The following SPHKAP variants were observed in gnomAD, a reference collection of about 807,000 sequenced individuals.
The protein encoded by SPHKAP is A-kinase anchor protein SPHKAP.
In SPHKAP, 67 loss-of-function variants were observed where a neutral mutation model predicts 137.5. That is an observed-to-expected ratio of 0.49 (90% CI 0.40 to 0.60). The LOEUF (loss-of-function observed/expected upper bound fraction) is 0.60. Ranked by LOEUF, SPHKAP falls within the 20% of genes least tolerant of loss-of-function variation. The pLI is 0.00. For synonymous variants in SPHKAP, 813 were observed against 785.3 expected, an observed-to-expected ratio of 1.04 and a Z score of -0.59; for missense variants, 2,097 against 2,069.3, an observed-to-expected ratio of 1.01 and a Z score of -0.26.
chr2:228,015,470 A>G (rs1242907105), intron 7 of SPHKAP, among the ~76,000 whole-genome samples: 1 of 152,126 alleles, frequency 6.6e-6, no homozygotes, highest in Admixed American at 6.5e-5. Flanking sequence ...TGGTATTTCT[A>G]GTTCTAGATC....
At chr2:228,020,759 TC>T (rs1304620906) in intron 6 of SPHKAP, among the ~76,000 whole-genome samples, 1 of 152,068 alleles carries the variant, frequency 6.6e-6, no homozygotes, top group African/African-American at 2.4e-5. Flanking sequence ...TGACTTTTTT[TC>T]CCCCTTCAAG....
At chr2:227,999,172 G>A (rs971751904) in intron 7 of SPHKAP, among the ~76,000 whole-genome samples, 40 of 152,186 alleles carry the variant, frequency 2.6e-4, no homozygotes, top group African/African-American at 9.2e-4. Flanking sequence ...GGCTTTGGAT[G>A]CTTGATCCTG....
intron 2 of SPHKAP, among the ~76,000 whole-genome samples, chr2:228,112,201 T>A (rs765579132): frequency 4.6e-5 from 7 of 152,160 alleles, no homozygotes; most frequent in Non-Finnish European, 8.8e-5. Flanking sequence ...ATTAACTCTG[T>A]GTCATAAGAA....
At chr2:228,032,560 A>T (rs1373192940) in intron 3 of SPHKAP, among the ~76,000 whole-genome samples, 1 of 152,070 alleles carries the variant, frequency 6.6e-6, no homozygotes, top group Non-Finnish European at 1.5e-5. Context: ...GAGAAGAGCA[A>T]CTCCAAGATA....
chr2:228,138,439 G>A (rs1052078453), intron 1 of SPHKAP, among the ~76,000 whole-genome samples: 1 of 152,022 alleles, frequency 6.6e-6, no homozygotes, highest in African/African-American at 2.4e-5. Flanking sequence ...ACATTTTTCT[G>A]GTTTCATCTC....
At chr2:228,148,329 G>A (rs1045075319) in intron 1 of SPHKAP, among the ~76,000 whole-genome samples, 2 of 152,172 alleles carry the variant, frequency 1.3e-5, no homozygotes. Flanking sequence ...GAGGAAAGAG[G>A]AATGCTCTGC....
At chr2:228,164,021 C>G (rs1700351403) in intron 1 of SPHKAP, among the ~76,000 whole-genome samples, 1 of 152,002 alleles carries the variant, frequency 6.6e-6, no homozygotes. Context: ...AGAGGAAGAC[C>G]CACTCCCAGT....
intron 7 of SPHKAP, among the ~76,000 whole-genome samples, chr2:228,004,411 C>G (rs1375203652): frequency 6.6e-6 from 1 of 151,996 alleles, no homozygotes; most frequent in Non-Finnish European, 1.5e-5. Flanking sequence ...GGTGATATCC[C>G]CTTTATCATT....
In SPHKAP at chr2:228,147,313, A is replaced by C. The variant is rs911911036; in HGVS notation, c.33-15228T>G. Among the ~76,000 whole-genome samples the C allele has an allele frequency of 2.0e-5, 3 of 152,244 alleles. No homozygotes were observed. The South Asian group carries it at 6.2e-4, about 31-fold the overall frequency. On this transcript the variant is annotated intron_variant, in intron 1 of 11. Transcript: ENST00000392056. Reference sequence around the variant, plus strand: ...AGATACCAATGTTAGTGAATCTATCAGATAAGTAGAAATCATACATATAAA... The same window carrying C: ...AGATACCAATGTTAGTGAATCTATCCGATAAGTAGAAATCATACATATAAA...
At chr2:228,155,478 C>T (rs1248482974) in intron 1 of SPHKAP, among the ~76,000 whole-genome samples, 1 of 152,156 alleles carries the variant, frequency 6.6e-6, no homozygotes, top group Non-Finnish European at 1.5e-5. Context: ...GGTTTTATAA[C>T]TCCATATATT....
rs759321676 is a variant in SPHKAP, at chr2:228,016,762, A to C, written c.4092T>G (p.Val1364=). 2 of 1,614,044 alleles carry C rather than the reference A, an allele frequency of 1.2e-6. No homozygotes were observed. The highest frequency in any genetic ancestry group is 1.7e-6 in the Non-Finnish European group (2 of 1,179,996). ...SRMCSGPTLL[V]QESLDCPRKD... Reference sequence around the variant, plus strand: ...TCCTCGGGCAATCGAGAGACTCCTGAACAAGCAGAGTTGGCCCACTGCACA... The same window carrying C: ...TCCTCGGGCAATCGAGAGACTCCTGCACAAGCAGAGTTGGCCCACTGCACA... The change falls in exon 7 of 12, where the codon GTT becomes GTG. Residue 1364 remains valine, a synonymous_variant. Coordinates refer to ENST00000392056, the MANE Select transcript of SPHKAP (RefSeq NM_001142644.2).
In SPHKAP at chr2:228,085,104, C is replaced by T. The variant is rs115163150; in HGVS notation, c.246+23728G>A. Among the ~76,000 whole-genome samples, 9 of 152,250 alleles carry T rather than the reference C, an allele frequency of 5.9e-5. 1 individual carries two copies. The highest frequency in any genetic ancestry group is 2.2e-4 in the African/African-American group (9 of 41,546). ...ATAAAGGCAGAAAAATCATGCTGTT[C>T]TCATTAATTAAGCAAAATATCACTT... On this transcript the variant is annotated intron_variant, in intron 3 of 11. Transcript: ENST00000392056.
At chr2:228,104,317 TATA>T (rs1354527692) in intron 3 of SPHKAP, among the ~76,000 whole-genome samples, 5 of 145,758 alleles carry the variant, frequency 3.4e-5, no homozygotes, top group East Asian at 3.9e-4. Context: ...ATATTAATAA[TATA>T]ATATTAAATA....
intron 3 of SPHKAP, among the ~76,000 whole-genome samples, chr2:228,079,646 C>T (rs1346863714): frequency 6.6e-6 from 1 of 152,240 alleles, no homozygotes; most frequent in East Asian, 1.9e-4. Flanking sequence ...CCAGCCCCTG[C>T]AGACTCAGGC....
Position 228,009,405 on chromosome 2 carries a change from C to A in SPHKAP, c.4448+7001G>T, listed in dbSNP as rs186596336. On this transcript the variant is annotated intron_variant, in intron 7 of 11. Coordinates refer to ENST00000392056, the MANE Select transcript of SPHKAP (RefSeq NM_001142644.2). ...TCTTAATTTGTGAGTTTATAACTTT[C>A]ATCAAGTCTTACATTCGTGTGTACC... Among the ~76,000 whole-genome samples the A allele has an allele frequency of 2.4e-3, 366 of 152,246 alleles. 1 individual carries two copies. The highest frequency in any genetic ancestry group is 0.017 in the Middle Eastern group (5 of 294).
rs552241757 is a variant in SPHKAP at position 227,999,521 on chromosome 2, CTTA to C, written c.4449-3830_4449-3828del. On this transcript the variant is annotated intron_variant, in intron 7 of 11. Coordinates refer to ENST00000392056, the MANE Select transcript of SPHKAP (RefSeq NM_001142644.2). ...AAAAAGTCATTTCCTGGACCAATTT[CTTA>C]TTAAGTTAGAATCTCATGTTATTAG... is the stretch of plus-strand genomic sequence containing the variant. Among the ~76,000 whole-genome samples the C allele has an allele frequency of 4.6e-5, 7 of 152,290 alleles. 1 individual carries two copies. In the South Asian group the frequency reaches 1.5e-3, roughly 32 times the overall value.
intron 3 of SPHKAP, chr2:228,028,087 C>T: frequency 2.0e-6 from 2 of 984,566 alleles, no homozygotes; most frequent in South Asian, 9.4e-5. Context: ...CTTTCATGGC[C>T]CAACATACTA....
chr2:228,041,668 A>G (rs895810643), intron 3 of SPHKAP, among the ~76,000 whole-genome samples: 5 of 151,714 alleles, frequency 3.3e-5, no homozygotes, highest in Admixed American at 2.6e-4. Context: ...AAAAAAAAGA[A>G]AAAAGAAAAC....
In SPHKAP at chr2:228,069,198, CGGA is replaced by C. The variant is rs1696927481; in HGVS notation, c.246+39631_246+39633del. Among the ~76,000 whole-genome samples, 4 of 152,134 alleles carry C rather than the reference CGGA, an allele frequency of 2.6e-5. No individual in the cohort carries two copies. In the South Asian group the frequency reaches 8.3e-4, roughly 32 times the overall value. On this transcript the variant is annotated intron_variant, in intron 3 of 11. Transcript: ENST00000392056. ...GGGAGAATCGCTTGAACCTGGGAGGCGGAGGTTTCTGTGAGCCGAGATCGTGCC... is the reference window on the plus strand; with the variant it reads ...GGGAGAATCGCTTGAACCTGGGAGGCGGTTTCTGTGAGCCGAGATCGTGCC...
Sources: allele counts gnomAD v4.1 joint callset (sites outside exome capture counted in the v4.1 genomes callset), GRCh38; gene constraint gnomAD v4.1.1; transcripts MANE v1.5; gene names NCBI Gene and HGNC (gene_info 2026-07-23, HGNC 2026-07-21).